Variants in PCCA observed in about 807,000 individuals in gnomAD.
The protein encoded by PCCA is propionyl-CoA carboxylase alpha chain, mitochondrial.
Under a neutral mutation model 101.3 loss-of-function variants are expected in PCCA, and 74 were observed. The observed-to-expected ratio is 0.73, with a 90% CI of 0.61 to 0.89. The LOEUF is 0.89. Among genes scored for constraint, PCCA ranks in the 40% least tolerant of loss-of-function variants. The probability of loss-of-function intolerance (pLI) is 0.00; values close to 1 mark genes in which losing one functional copy is unlikely to be tolerated. For missense variants in PCCA, 891 were observed against 907.0 expected, an observed-to-expected ratio of 0.98 and a Z score of 0.23; for synonymous variants, 294 against 313.6, an observed-to-expected ratio of 0.94 and a Z score of 0.66.
chr13:100,130,243 C>CA (rs1566537539), intron 4 of PCCA, among the ~76,000 whole-genome samples: 2 of 152,252 alleles, frequency 1.3e-5, no homozygotes. Flanking sequence ...TCACTCACCC[C>CA]ACTTGGGATT....
chr13:100,123,343 C>T (rs1056044192), intron 4 of PCCA, among the ~76,000 whole-genome samples: 8 of 152,214 alleles, frequency 5.3e-5, no homozygotes, highest in Admixed American at 2.6e-4. Flanking sequence ...GCGTGAGCCA[C>T]TGCACCTGGC....
intron 19 of PCCA, among the ~76,000 whole-genome samples, chr13:100,389,970 A>G (rs2076721562): frequency 6.6e-6 from 1 of 152,282 alleles, no homozygotes; most frequent in South Asian, 2.1e-4. Flanking sequence ...ATAGGTTTGG[A>G]GAGGCAAGAC....
At chr13:100,331,713 T>C (rs1026574935) in intron 17 of PCCA, among the ~76,000 whole-genome samples, 6 of 152,288 alleles carry the variant, frequency 3.9e-5, no homozygotes, top group African/African-American at 1.4e-4. Context: ...CATAAACTTT[T>C]GAATTTTTAA....
intron 6 of PCCA, among the ~76,000 whole-genome samples, chr13:100,162,798 A>G (rs6491547): frequency 0.39 from 58,742 of 152,060 alleles, 12,944 homozygotes; most frequent in East Asian, 0.71. Flanking sequence ...TGGAACTAAT[A>G]AAGTCTCCCT....
intron 4 of PCCA, among the ~76,000 whole-genome samples, chr13:100,143,562 A>T (rs1456236850): frequency 6.6e-6 from 1 of 151,534 alleles, no homozygotes; most frequent in Non-Finnish European, 1.5e-5. Context: ...AAAAAAAAAA[A>T]ATAAAAATCT....
intron 4 of PCCA, among the ~76,000 whole-genome samples, chr13:100,145,803 G>A (rs550887021): frequency 1.9e-4 from 29 of 150,800 alleles, no homozygotes; most frequent in Non-Finnish European, 2.7e-4. Context: ...TGGAGGTTGC[G>A]GTGAGCCAAG....
At chr13:100,172,217 T>A (rs4772267) in intron 6 of PCCA, among the ~76,000 whole-genome samples, 67,341 of 149,168 alleles carry the variant, frequency 0.45, 15,405 homozygotes, top group Middle Eastern at 0.55. Flanking sequence ...AAAAAAAAAA[T>A]TTACCTTTCA....
At chr13:100,432,807 G>A (rs1251927732) in intron 20 of PCCA, among the ~76,000 whole-genome samples, 1 of 152,146 alleles carries the variant, frequency 6.6e-6, no homozygotes, top group Non-Finnish European at 1.5e-5. Context: ...AGAAACCTAT[G>A]TTTCCATGCA....
At chr13:100,283,291 C>T (rs1001622211) in intron 12 of PCCA, among the ~76,000 whole-genome samples, 13 of 152,150 alleles carry the variant, frequency 8.5e-5, no homozygotes, top group African/African-American at 1.7e-4. Flanking sequence ...AATTCCCTAC[C>T]GGTCAGCAAC....
intron 8 of PCCA, among the ~76,000 whole-genome samples, chr13:100,246,612 GC>G (rs1409661749): frequency 6.6e-6 from 1 of 151,836 alleles, no homozygotes; most frequent in Admixed American, 6.6e-5. Flanking sequence ...ACAAGTGTGA[GC>G]CACCATGCCA....
chr13:100,249,349 A>G (rs2061628426), intron 8 of PCCA, among the ~76,000 whole-genome samples: 2 of 152,194 alleles, frequency 1.3e-5, no homozygotes, highest in South Asian at 4.1e-4. Context: ...TTTGTTTGGA[A>G]AGACTATCTG....
At chr13:100,520,598 G>A (rs1344025290) in intron 22 of PCCA, among the ~76,000 whole-genome samples, 1 of 122,194 alleles carries the variant, frequency 8.2e-6, no homozygotes, top group Non-Finnish European at 1.6e-5. Context: ...TCGCGCCACA[G>A]CACTCCAGCC....
intron 17 of PCCA, among the ~76,000 whole-genome samples, chr13:100,339,736 C>T (rs151001590): frequency 1.9e-3 from 295 of 152,272 alleles, no homozygotes; most frequent in Non-Finnish European, 3.5e-3. Flanking sequence ...CTTGACCAGC[C>T]GCTCTCCTTT....
chr13:100,206,923 T>G (rs1261540316), intron 6 of PCCA, among the ~76,000 whole-genome samples: 1 of 152,212 alleles, frequency 6.6e-6, no homozygotes, highest in African/African-American at 2.4e-5. Context: ...TCCCCCAGTT[T>G]ATGATACTTA....
At chr13:100,286,660 A>G (rs964914926) in intron 12 of PCCA, among the ~76,000 whole-genome samples, 1 of 151,702 alleles carries the variant, frequency 6.6e-6, no homozygotes, top group African/African-American at 2.4e-5. Flanking sequence ...CTTTTTTTTA[A>G]TGTGTCTTGG....
At chr13:100,187,582 AAC>A (rs1335176896) in intron 6 of PCCA, among the ~76,000 whole-genome samples, 1 of 152,212 alleles carries the variant, frequency 6.6e-6, no homozygotes, top group African/African-American at 2.4e-5. Context: ...GTTAGAGTCA[AAC>A]AGTGTTTTTA....
chr13:100,224,236 G>C (rs1460587072), intron 7 of PCCA, among the ~76,000 whole-genome samples: 2 of 152,266 alleles, frequency 1.3e-5, no homozygotes, highest in Non-Finnish European at 2.9e-5. Context: ...CGAGCGCAGT[G>C]CTGGTGGGCT....
intron 19 of PCCA, among the ~76,000 whole-genome samples, chr13:100,412,969 G>A (rs984865322): frequency 6.6e-6 from 1 of 152,068 alleles, no homozygotes; most frequent in Non-Finnish European, 1.5e-5. Flanking sequence ...TATTAAACAT[G>A]TTATTTGTAT....
At chr13:100,505,719 T>G (rs1014323196) in intron 21 of PCCA, among the ~76,000 whole-genome samples, 1 of 152,070 alleles carries the variant, frequency 6.6e-6, no homozygotes, top group African/African-American at 2.4e-5. Context: ...ACTCAAACAC[T>G]AAGCAGGCAT....
Sources: gnomAD v4.1 joint callset for allele counts (sites outside exome capture counted in the v4.1 genomes callset) on GRCh38, gnomAD v4.1.1 for gene constraint, MANE v1.5 for transcripts, NCBI Gene and HGNC (gene_info 2026-07-23, HGNC 2026-07-21) for gene names.